NRK: variants seen among roughly 807,000 people sequenced by gnomAD.
NRK encodes nik-related protein kinase.
Under a neutral mutation model 125.2 loss-of-function variants are expected in NRK, and 67 were observed. That is an observed-to-expected ratio of 0.54 (90% CI 0.44 to 0.66). NRK has a LOEUF of 0.66. NRK is among the 30% of genes least tolerant of loss of function. The pLI is 0.00. For missense variants in NRK, 1,224 were observed against 1,192.9 expected, an observed-to-expected ratio of 1.03 and a Z score of -0.38; for synonymous variants, 458 against 429.0, an observed-to-expected ratio of 1.07 and a Z score of -0.84.
chrX:105,913,072 C>T (rs1179544535), intron 14 of NRK, among the ~76,000 whole-genome samples: 3 of 111,703 alleles, frequency 2.7e-5, no homozygotes, highest in South Asian at 3.7e-4. Context: ...TTGTAAGTCT[C>T]TTAAATCTAT....
chrX:105,884,878 C>T (rs747342244), intron 4 of NRK, among the ~76,000 whole-genome samples: 110 of 112,114 alleles, frequency 9.8e-4, no homozygotes, highest in Non-Finnish European at 1.9e-3. Flanking sequence ...ACAATCTTGG[C>T]CTCCTGGGTT....
At chrX:105,822,061 G>A (rs771101167), upstream of NRK, among the ~76,000 whole-genome samples, 9 of 112,570 alleles carry the variant, frequency 8.0e-5, no homozygotes, top group Admixed American at 5.6e-4. Context: ...TAACTCGGTA[G>A]GTCTTTGCAA....
chrX:105,840,820 C>T (rs1402064053), intron 2 of NRK, among the ~76,000 whole-genome samples: 3 of 105,910 alleles, frequency 2.8e-5, no homozygotes, highest in African/African-American at 1.1e-4. Flanking sequence ...TTTGCTTTTG[C>T]GTATATATAT....
Position 105,924,763 on chromosome X carries a change from C to T in NRK, c.3044C>T (p.Ala1015Val), listed in dbSNP as rs747242923. ...GATGGAAGTCGTGGAAAAGAGGAAG[C>T]CTACAGAGGCTATGGAAGCCATACA... ...GYDGSRGKEE[A>V]YRGYGSHTAN... The change falls in exon 19 of 29, where the codon GCC becomes GTC. Residue 1015 changes from alanine (A) to valine (V), a missense_variant. Ala to Val is a moderately conservative substitution (Grantham distance 64). Coordinates refer to ENST00000243300, the MANE Select transcript of NRK (RefSeq NM_198465.4). 1.0e-5 allele frequency: 12 copies of T among 1,204,386 alleles called. No individual in the cohort carries two copies. In the Admixed American group the frequency reaches 1.1e-4, roughly 11 times the overall value.
intron 27 of NRK, among the ~76,000 whole-genome samples, chrX:105,951,461 T>C (rs1329777984): frequency 1.8e-5 from 2 of 111,723 alleles, no homozygotes; most frequent in African/African-American, 3.3e-5. Flanking sequence ...CATGATACTT[T>C]AGTTTGTATA....
intron 20 of NRK, among the ~76,000 whole-genome samples, chrX:105,934,701 C>A (rs1040299151): frequency 2.7e-5 from 3 of 112,054 alleles, no homozygotes; most frequent in African/African-American, 6.5e-5. Flanking sequence ...AAAATATATT[C>A]GTGTTCAACA....
rs1344941167 is a variant in NRK, at chrX:105,822,794, ACT to A, written c.-49_-48del. 7 of 1,097,353 alleles carry A rather than the reference ACT, an allele frequency of 6.4e-6. No individual in the cohort carries two copies. The highest frequency in any genetic ancestry group is 8.6e-6 in the Non-Finnish European group (7 of 810,975). The allele number at this position is 1,097,353 out of a possible 1,213,427, so 90.4% of individuals were successfully genotyped here. A position where few individuals can be genotyped will look rare whatever the true frequency, so the allele number is the denominator to read the frequency against. On this transcript the variant is annotated 5_prime_UTR_variant, in exon 1 of 29. Coordinates refer to ENST00000243300, the MANE Select transcript of NRK (RefSeq NM_198465.4). ...AACTCTTCATCCGCTTCCACCTCAG[ACT>A]CTGCGCGCACCCAATTCAGTCGCCC...
chrX:105,872,592 C>G (rs749921847), intron 2 of NRK, among the ~76,000 whole-genome samples: 17 of 111,495 alleles, frequency 1.5e-4, no homozygotes, highest in Non-Finnish European at 3.0e-4. Context: ...ACTCCAATCT[C>G]AGCCACACCT....
intron 28 of NRK, among the ~76,000 whole-genome samples, chrX:105,955,126 C>A (rs2040958476): frequency 9.0e-6 from 1 of 110,717 alleles, no homozygotes; most frequent in African/African-American, 3.3e-5. Flanking sequence ...TGGTAAACAA[C>A]ACCTAAATAA....
At chrX:105,926,465 C>T (rs1452064677) in intron 19 of NRK, among the ~76,000 whole-genome samples, 2 of 111,586 alleles carry the variant, frequency 1.8e-5, no homozygotes, top group East Asian at 5.7e-4. Context: ...TGTTTCTTCA[C>T]TTTGTTGATC....
chrX:105,934,664 ATG>A (rs2040638064), intron 20 of NRK, among the ~76,000 whole-genome samples: 1 of 112,132 alleles, frequency 8.9e-6, no homozygotes, highest in African/African-American at 3.2e-5. Context: ...ATATGGATTT[ATG>A]TGTGTTTTCT....
At position 105,893,854 on chromosome X, in the gene NRK, C is replaced by G. The variant is rs1465902334; in HGVS notation, c.401C>G (p.Ala134Gly). ...CAGATGGTGATGGAGTTATGTGCAG[C>G]AGGTTCGGTCACTGATGTAGTGAGA... ...QLWMVMELCAAGSVTDVVRMT... is the reference protein window; with the variant it reads ...QLWMVMELCAGGSVTDVVRMT... Residue 134 changes from alanine (A) to glycine (G), a missense_variant, in exon 6 of 29, where the codon GCA becomes GGA. Coordinates refer to ENST00000243300, the MANE Select transcript of NRK (RefSeq NM_198465.4). 9.2e-6 allele frequency: 11 copies of G among 1,193,951 alleles called. No homozygotes were observed. The highest frequency in any genetic ancestry group is 1.1e-5 in the Non-Finnish European group (10 of 879,786).
chrX:105,911,688 T>C (rs1388827076), intron 13 of NRK, among the ~76,000 whole-genome samples: 1 of 111,513 alleles, frequency 9.0e-6, no homozygotes, highest in Non-Finnish European at 1.9e-5. Context: ...GGTTTAAGTC[T>C]AGAATGGTGA....
intron 2 of NRK, among the ~76,000 whole-genome samples, chrX:105,867,534 A>G (rs907701264): frequency 2.7e-5 from 3 of 112,235 alleles, no homozygotes; most frequent in Non-Finnish European, 5.6e-5. Context: ...TAACACATAA[A>G]TGGTTAAAAT....
At chrX:105,837,640 G>A (rs1360572600) in intron 2 of NRK, among the ~76,000 whole-genome samples, 1 of 110,739 alleles carries the variant, frequency 9.0e-6, no homozygotes, top group Non-Finnish European at 1.9e-5. Flanking sequence ...TGAAATTGTG[G>A]GTTCTATTTT....
chrX:105,822,319 G>C (rs1324152785), upstream of NRK, among the ~76,000 whole-genome samples: 1 of 109,204 alleles, frequency 9.2e-6, no homozygotes, highest in Non-Finnish European at 1.9e-5. Flanking sequence ...GACGTGGGAG[G>C]GGGCAGGAGG....
chrX:105,888,593 C>T (rs1408751049), intron 5 of NRK, among the ~76,000 whole-genome samples, 174 bp downstream of exon 5: 2 of 111,044 alleles, frequency 1.8e-5, no homozygotes, highest in Non-Finnish European at 3.8e-5. Context: ...GCAAAATAAT[C>T]GTGGTTTTTG....
At chrX:105,927,245 A>G in intron 19 of NRK, among the ~76,000 whole-genome samples, 2 of 110,634 alleles carry the variant, frequency 1.8e-5, no homozygotes, top group Non-Finnish European at 3.8e-5. Context: ...TAGCTACTGT[A>G]TATGGGATTG....
At chrX:105,872,345 A>G (rs2039758586) in intron 2 of NRK, among the ~76,000 whole-genome samples, 1 of 111,726 alleles carries the variant, frequency 9.0e-6, no homozygotes, top group African/African-American at 3.3e-5. Flanking sequence ...GCGCCTGTCA[A>G]ACATCTAAAC....
Sources: gnomAD v4.1 joint callset for allele counts (sites outside exome capture counted in the v4.1 genomes callset) on GRCh38, gnomAD v4.1.1 for gene constraint, MANE v1.5 for transcripts, NCBI Gene and HGNC (gene_info 2026-07-23, HGNC 2026-07-21) for gene names.